Variants in ZNF292 observed in about 807,000 individuals in gnomAD.
ZNF292 encodes zinc finger protein 292.
ZNF292 carries 26 observed loss-of-function variants against 217.9 expected under a neutral mutation model. That is an observed-to-expected ratio of 0.12 (90% CI 0.09 to 0.17). The LOEUF is 0.17. Among genes scored for constraint, ZNF292 ranks in the 10% least tolerant of loss-of-function variants. ZNF292 has a pLI of 1.00. For missense variants in ZNF292, 2,904 were observed against 3,175.2 expected, an observed-to-expected ratio of 0.91 and a Z score of 2.05; for synonymous variants, 1,257 against 1,124.1, an observed-to-expected ratio of 1.12 and a Z score of -2.37.
intron 1 of ZNF292, among the ~76,000 whole-genome samples, chr6:87,168,152 C>T (rs114516654): frequency 0.019 from 2,890 of 152,272 alleles, 99 homozygotes; most frequent in African/African-American, 0.067. Context: ...GCTTTACTAA[C>T]GATGAATTGT....
chr6:87,243,405 TA>T, intron 5 of ZNF292, 69 bp from the exon 6 acceptor site: 3 of 1,251,878 alleles, frequency 2.4e-6, no homozygotes, highest in Non-Finnish European at 2.1e-6. Context: ...TAATGAAAAC[TA>T]AAGGTATATT....
chr6:87,210,267 T>A (rs115305723), intron 1 of ZNF292, among the ~76,000 whole-genome samples: 2,317 of 152,282 alleles, frequency 0.015, 59 homozygotes, highest in African/African-American at 0.052. Context: ...AATTTTTTTT[T>A]AAATTGTTTG....
chr6:87,182,094 A>G (rs191051291), intron 1 of ZNF292, among the ~76,000 whole-genome samples: 29 of 152,312 alleles, frequency 1.9e-4, no homozygotes, highest in Non-Finnish European at 4.4e-5. Context: ...CCACTCATAT[A>G]CAGGGCATAT....
At chr6:87,161,134 A>T (rs906358996) in intron 1 of ZNF292, among the ~76,000 whole-genome samples, 3 of 152,342 alleles carry the variant, frequency 2.0e-5, no homozygotes, top group Non-Finnish European at 2.9e-5. Context: ...AGCAGAAATT[A>T]CAAGCAATTG....
In ZNF292 at chr6:87,259,135, C is replaced by G. The variant is rs1380462692; in HGVS notation, c.5506C>G (p.Gln1836Glu). ...PQSEVSHKED[Q>E]IQEILEGLQK... The stretch of plus-strand genomic sequence containing the variant: ...GTCTGAAGTATCACATAAGGAGGAT[C>G]AAATACAGGAAATTTTAGAAGGCTT... Residue 1836 changes from glutamine to glutamate, a missense_variant, in exon 8 of 8, where the codon CAA (glutamine) becomes GAA (glutamate). By Grantham distance (29) the Gln-to-Glu change is conservative. Around this residue, in one of 15 missense-constraint regions of ZNF292, gnomAD observed 622 missense variants for 573.1 expected, o/e 1.09. Transcript: ENST00000369577. 6.2e-7 allele frequency: 1 copy of G among 1,613,266 alleles called. No homozygotes were observed. The highest frequency in any genetic ancestry group is 8.5e-7 in the Non-Finnish European group (1 of 1,179,612).
chr6:87,218,789 TA>T (rs1772920984), intron 4 of ZNF292, 58 bp downstream of exon 4: 4 of 1,481,896 alleles, frequency 2.7e-6, no homozygotes, highest in Non-Finnish European at 2.7e-6. Context: ...AAATAAGTGT[TA>T]AAGTTGTTTT....
rs1775742376 is a variant in ZNF292, at chr6:87,264,222, A to T, written c.*2421A>T. The T allele has an allele frequency of 6.6e-6, 1 of 152,184 alleles. No homozygotes were observed. The highest frequency in any genetic ancestry group is 2.4e-5 in the African/African-American group (1 of 41,432). 9.4% of individuals were successfully genotyped at this position (152,184 alleles called of 1,614,324 possible). A position where few individuals can be genotyped will look rare whatever the true frequency, so the allele number is the denominator to read the frequency against. On this transcript the variant is annotated 3_prime_UTR_variant, in exon 8 of 8. Transcript: ENST00000369577. ...TACTTTTCCCCAGCCTATTGTCTTG[A>T]GATATCTTCTACAGCCTAAATTTGC... is the stretch of plus-strand genomic sequence containing the variant.
intron 1 of ZNF292, among the ~76,000 whole-genome samples, chr6:87,156,584 C>A (rs975587572): frequency 6.6e-6 from 1 of 152,218 alleles, no homozygotes; most frequent in Non-Finnish European, 1.5e-5. Flanking sequence ...CCGATCACCC[C>A]CTCACCCCTG....
intron 1 of ZNF292, among the ~76,000 whole-genome samples, chr6:87,199,697 G>T (rs1340276379): frequency 6.6e-6 from 1 of 152,132 alleles, no homozygotes; most frequent in Non-Finnish European, 1.5e-5. Flanking sequence ...GCTGAGAATG[G>T]ATCACATGCC....
intron 1 of ZNF292, among the ~76,000 whole-genome samples, chr6:87,158,953 A>G (rs1770632634): frequency 6.6e-6 from 1 of 152,256 alleles, no homozygotes; most frequent in Non-Finnish European, 1.5e-5. Context: ...AATGGGCTTC[A>G]GAATTAATAT....
intron 1 of ZNF292, among the ~76,000 whole-genome samples, chr6:87,215,626 G>A (rs905401588): frequency 1.3e-5 from 2 of 152,056 alleles, no homozygotes; most frequent in African/African-American, 4.8e-5. Context: ...AAACTTACTA[G>A]GGAATAGAGG....
At position 87,215,923 on chromosome 6, in the gene ZNF292, G is replaced by T; in HGVS notation, c.189G>T (p.Glu63Asp). The T allele has an allele frequency of 6.3e-7, 1 of 1,598,914 alleles. No individual in the cohort carries two copies. The highest frequency in any genetic ancestry group is 8.5e-7 in the Non-Finnish European group (1 of 1,175,262). ...AACAGACACTCCTAGAATATGCAGAGAAATGGAAAACTTCAGAAGATCCTT... is the reference window on the plus strand; with the variant it reads ...AACAGACACTCCTAGAATATGCAGATAAATGGAAAACTTCAGAAGATCCTT... ...QLCQTLLEYA[E>D]KWKTSEDPLP... is the part of the protein sequence containing the mutation. The change falls in exon 2 of 8, where the codon GAG becomes GAT. Residue 63 changes from glutamate to aspartate, a missense_variant. Glu to Asp is a conservative substitution (Grantham distance 45, BLOSUM62 2). Transcript: ENST00000369577.
At chr6:87,247,187 AG>A (rs1270119088) in intron 7 of ZNF292, among the ~76,000 whole-genome samples, 1 of 150,116 alleles carries the variant, frequency 6.7e-6, no homozygotes, top group East Asian at 1.9e-4. Context: ...AAAAAAAAAA[AG>A]ATCTTGGGCC....
chr6:87,222,092 A>T (rs186462977), intron 4 of ZNF292, among the ~76,000 whole-genome samples: 1 of 152,204 alleles, frequency 6.6e-6, no homozygotes, highest in East Asian at 1.9e-4. Context: ...TAATTTTACC[A>T]TATTAGATCC....
At chr6:87,190,014 TA>T (rs1012657245) in intron 1 of ZNF292, among the ~76,000 whole-genome samples, 4 of 152,220 alleles carry the variant, frequency 2.6e-5, no homozygotes, top group African/African-American at 9.6e-5. Context: ...AACACCACTT[TA>T]TTTTGTTGCT....
chr6:87,235,379 T>A (rs2127826867), intron 5 of ZNF292, among the ~76,000 whole-genome samples: 1 of 152,126 alleles, frequency 6.6e-6, no homozygotes, highest in East Asian at 1.9e-4. Flanking sequence ...AGATTTGTAT[T>A]AAGTGAATGA....
At chr6:87,212,041 A>G (rs1772510246) in intron 1 of ZNF292, among the ~76,000 whole-genome samples, 1 of 152,190 alleles carries the variant, frequency 6.6e-6, no homozygotes, top group South Asian at 2.1e-4. Flanking sequence ...AAGTCTGTCC[A>G]ACTTGGCTAC....
rs1305191883 is a variant in ZNF292, at chr6:87,254,853, G to A, written c.1224G>A (p.Met408Ile). ...TAGATGCGTATTATGCTGTGGAAAT[G>A]TTGTATAATCAGCCAGACCAGAAAT... is the stretch of plus-strand genomic sequence containing the variant. ...PTVDAYYAVE[M>I]LYNQPDQKYD... The change falls in exon 8 of 8, where the codon ATG becomes ATA. Residue 408 changes from methionine (M) to isoleucine (I), a missense_variant. Transcript: ENST00000369577. 5.6e-6 allele frequency: 9 copies of A among 1,613,746 alleles called. No homozygotes were observed. Among genetic ancestry groups the A allele is most frequent in the Non-Finnish European group, 7.6e-6 (9 of 1,179,818 alleles).
chr6:87,214,356 T>G (rs1369134276), intron 1 of ZNF292, among the ~76,000 whole-genome samples: 2 of 152,104 alleles, frequency 1.3e-5, no homozygotes, highest in African/African-American at 4.8e-5. Context: ...GGGTTTCATG[T>G]GGATTGAGCT....
Sources: gnomAD v4.1 joint callset for allele counts (sites outside exome capture counted in the v4.1 genomes callset) on GRCh38, gnomAD v4.1.1 for gene constraint, gnomAD v4.1.1 regional missense constraint, MANE v1.5 for transcripts, NCBI Gene and HGNC (gene_info 2026-07-23, HGNC 2026-07-21) for gene names.